Variants in MITF observed in about 807,000 individuals in gnomAD.
MITF encodes the protein melanocyte inducing transcription factor, also known as microphthalmia-associated transcription factor.
In MITF, 17 loss-of-function variants were observed where a neutral mutation model predicts 60.5. The ratio of observed to expected loss-of-function variants is 0.28; its 90% CI spans 0.19 to 0.42. The LOEUF (loss-of-function observed/expected upper bound fraction) is 0.42. Ranked by LOEUF, MITF falls within the 10% of genes least tolerant of loss-of-function variation. The probability of loss-of-function intolerance (pLI) is 1.00; values close to 1 mark genes in which losing one functional copy is unlikely to be tolerated. For synonymous variants in MITF, 260 were observed against 248.5 expected (o/e 1.05, Z -0.43); for missense variants, 622 against 683.5 (o/e 0.91, Z 1.00).
intron 1 of MITF, among the ~76,000 whole-genome samples, chr3:69,791,011 A>G (rs947143630): frequency 1.3e-5 from 2 of 152,168 alleles, no homozygotes; most frequent in Non-Finnish European, 1.5e-5. Context: ...TAGAGACACT[A>G]ATTTCTAGGT....
At chr3:69,868,469 G>C (rs1186013268) in intron 1 of MITF, among the ~76,000 whole-genome samples, 1 of 152,022 alleles carries the variant, frequency 6.6e-6, no homozygotes, top group African/African-American at 2.4e-5. Flanking sequence ...TTTTTATCTA[G>C]TGGGTTTCTC....
chr3:69,891,691 A>G lies in MITF; in HGVS notation c.354+12308A>G, dbSNP rs113889547. The stretch of plus-strand genomic sequence containing the variant: ...AAAGTCAAATAAATTTCTTTACTGT[A>G]GAGCCTCTGAGATCCTTTAACATGT... On this transcript the variant is annotated intron_variant, in intron 2 of 9. Transcript: ENST00000352241. Among the ~76,000 whole-genome samples the G allele has an allele frequency of 3.9e-4, 60 of 152,342 alleles. No individual in the cohort carries two copies. In the South Asian group the frequency reaches 5.6e-3, roughly 14 times the overall value.
At chr3:69,766,332 C>T (rs1325012111) in intron 1 of MITF, among the ~76,000 whole-genome samples, 1 of 149,528 alleles carries the variant, frequency 6.7e-6, no homozygotes, top group Non-Finnish European at 1.5e-5. Context: ...GCCTCAGTCT[C>T]CTGAGTAGCT....
intron 1 of MITF, among the ~76,000 whole-genome samples, chr3:69,811,926 G>A (rs1424972825): frequency 6.6e-6 from 1 of 152,170 alleles, no homozygotes; most frequent in Non-Finnish European, 1.5e-5. Context: ...CCCTGGCCTG[G>A]TTCCAGTTCC....
At chr3:69,797,137 C>T (rs1207282846) in intron 1 of MITF, among the ~76,000 whole-genome samples, 1 of 152,120 alleles carries the variant, frequency 6.6e-6, no homozygotes, top group African/African-American at 2.4e-5. Flanking sequence ...TAATTCGCTC[C>T]CTTCAAGCCA....
intron 1 of MITF, among the ~76,000 whole-genome samples, chr3:69,809,956 T>G (rs1212889490): frequency 6.6e-6 from 1 of 152,230 alleles, no homozygotes; most frequent in Non-Finnish European, 1.5e-5. Context: ...CTCTAGTTTA[T>G]ACTTAGAGAT....
At chr3:69,909,948 C>T (rs1250511400) in intron 2 of MITF, among the ~76,000 whole-genome samples, 1 of 152,172 alleles carries the variant, frequency 6.6e-6, no homozygotes, top group Non-Finnish European at 1.5e-5. Flanking sequence ...AGCAAGGAGC[C>T]TAATGTTAAT....
At chr3:69,955,667 T>G (rs967101629) in intron 7 of MITF, among the ~76,000 whole-genome samples, 1 of 151,832 alleles carries the variant, frequency 6.6e-6, no homozygotes, top group Non-Finnish European at 1.5e-5. Flanking sequence ...GTACAAAAAT[T>G]AGCCAGGTGT....
At chr3:69,814,398 G>C (rs2063148573) in intron 1 of MITF, among the ~76,000 whole-genome samples, 1 of 152,088 alleles carries the variant, frequency 6.6e-6, no homozygotes, top group Admixed American at 6.5e-5. Flanking sequence ...GTGTAATCAT[G>C]GCTCACTGCT....
At chr3:69,918,516 TAGC>T (rs2065389109) in intron 2 of MITF, among the ~76,000 whole-genome samples, 1 of 152,214 alleles carries the variant, frequency 6.6e-6, no homozygotes, top group Admixed American at 6.5e-5. Flanking sequence ...ATATCACTGA[TAGC>T]AGTGCATTGA....
At chr3:69,945,075 A>C (rs1261991327) in intron 5 of MITF, among the ~76,000 whole-genome samples, 1 of 152,200 alleles carries the variant, frequency 6.6e-6, no homozygotes, top group Non-Finnish European at 1.5e-5. Flanking sequence ...TGAGAGCACA[A>C]GGGCCCTCTT....
At chr3:69,837,966 A>G (rs544923194) in intron 1 of MITF, among the ~76,000 whole-genome samples, 2 of 152,338 alleles carry the variant, frequency 1.3e-5, no homozygotes, top group African/African-American at 4.8e-5. Flanking sequence ...TAATATGTAC[A>G]TAGAACGTTC....
intron 1 of MITF, among the ~76,000 whole-genome samples, chr3:69,751,626 G>A (rs148717048): frequency 2.4e-4 from 36 of 148,804 alleles, no homozygotes; most frequent in African/African-American, 9.0e-4. Context: ...GTTGTAAACT[G>A]GTTAAGACTT....
At chr3:69,949,000 A>C (rs1270841088) in intron 5 of MITF, 51 bp from the exon 6 acceptor site, 1 of 1,320,386 alleles carries the variant, frequency 7.6e-7, no homozygotes. Flanking sequence ...ATCTGAAAAA[A>C]CATGGGAATT....
At position 69,834,444 on chromosome 3, in the gene MITF, C is replaced by G. The variant is rs76296458; in HGVS notation, c.105-44690C>G. Among the ~76,000 whole-genome samples the G allele has an allele frequency of 3.4e-3, 511 of 152,264 alleles. 2 individuals carry two copies. Among genetic ancestry groups the G allele is most frequent in the African/African-American group, 0.012 (492 of 41,544 alleles). The stretch of plus-strand genomic sequence containing the variant: ...ATGATATTTGTCTTTCTGTGTATGG[C>G]TTATTTCCCTTAACATGATAGCCTC... On this transcript the variant is annotated intron_variant, in intron 1 of 9. Coordinates refer to ENST00000352241, the MANE Select transcript of MITF (RefSeq NM_001354604.2).
intron 1 of MITF, among the ~76,000 whole-genome samples, chr3:69,841,648 C>T (rs981306387): frequency 2.6e-5 from 4 of 152,132 alleles, no homozygotes; most frequent in Non-Finnish European, 4.4e-5. Context: ...GCACAGTGCT[C>T]AGCAGAAAGC....
chr3:69,941,968 C>T (rs1309869703), intron 5 of MITF, among the ~76,000 whole-genome samples: 11 of 152,202 alleles, frequency 7.2e-5, no homozygotes, highest in Non-Finnish European at 1.5e-4. Flanking sequence ...GAGTCAAGTT[C>T]GGATGGTATC....
intron 1 of MITF, among the ~76,000 whole-genome samples, chr3:69,755,123 G>T (rs1459724987): frequency 6.6e-6 from 1 of 152,164 alleles, no homozygotes; most frequent in Non-Finnish European, 1.5e-5. Context: ...TACTTTTGTT[G>T]CCAGAACAAT....
intron 1 of MITF, among the ~76,000 whole-genome samples, chr3:69,739,917 G>A (rs1456963854): frequency 6.6e-6 from 1 of 152,148 alleles, no homozygotes; most frequent in Non-Finnish European, 1.5e-5. Flanking sequence ...CTTCGCGGGG[G>A]CGCGGCGGGT....
Sources: gnomAD v4.1 joint callset for allele counts (sites outside exome capture counted in the v4.1 genomes callset) on GRCh38, gnomAD v4.1.1 for gene constraint, MANE v1.5 for transcripts, NCBI Gene and HGNC (gene_info 2026-07-23, HGNC 2026-07-21) for gene names.